NRXN1: variants seen among roughly 807,000 people sequenced by gnomAD.
The protein encoded by NRXN1 is neurexin-1.
In NRXN1, 39 loss-of-function variants were observed where a neutral mutation model predicts 150.9. The observed-to-expected ratio is 0.26, with a 90% confidence interval of 0.20 to 0.34. The LOEUF (loss-of-function observed/expected upper bound fraction) is 0.34. Ranked by LOEUF, NRXN1 falls within the 10% of genes least tolerant of loss-of-function variation. NRXN1 has a pLI of 1.00. For missense variants in NRXN1, 1,815 were observed against 1,949.9 expected (o/e 0.93, Z 1.30); for synonymous variants, 924 against 757.0 (o/e 1.22, Z -3.62).
At chr2:50,112,457 A>G (rs1165824062) in intron 18 of NRXN1, among the ~76,000 whole-genome samples, 3 of 152,236 alleles carry the variant, frequency 2.0e-5, no homozygotes, top group Non-Finnish European at 4.4e-5. Flanking sequence ...CGTGTTACAC[A>G]AGTCTGCTTA....
chr2:50,458,815 T>C (rs930406504), intron 17 of NRXN1, among the ~76,000 whole-genome samples: 8 of 152,054 alleles, frequency 5.3e-5, no homozygotes, highest in Non-Finnish European at 1.2e-4. Context: ...CTCCTAATCT[T>C]GTGATCCATC....
intron 18 of NRXN1, among the ~76,000 whole-genome samples, chr2:50,102,482 A>G (rs1264319198): frequency 3.3e-5 from 5 of 152,066 alleles, no homozygotes; most frequent in Non-Finnish European, 7.4e-5. Flanking sequence ...CAAAAACCAC[A>G]GACTTTTTAC....
chr2:50,551,000 AAAG>A (rs1161616840), intron 9 of NRXN1, among the ~76,000 whole-genome samples: 38 of 146,348 alleles, frequency 2.6e-4, no homozygotes, highest in African/African-American at 9.1e-4. Flanking sequence ...CTTAAATCAG[AAAG>A]AAGAGGAGGA....
intron 21 of NRXN1, among the ~76,000 whole-genome samples, chr2:49,978,332 C>T (rs1302406434): frequency 6.6e-6 from 1 of 152,188 alleles, no homozygotes; most frequent in Non-Finnish European, 1.5e-5. Context: ...GACCACCCTA[C>T]ACCACAGCTT....
chr2:50,998,189 G>A (rs1699572012), intron 2 of NRXN1, among the ~76,000 whole-genome samples: 1 of 141,266 alleles, frequency 7.1e-6, no homozygotes, highest in Admixed American at 6.8e-5. Context: ...TTTTAACTCA[G>A]CTATACAAAC....
chr2:51,014,680 G>A (rs895816380), intron 2 of NRXN1, among the ~76,000 whole-genome samples: 2 of 152,008 alleles, frequency 1.3e-5, no homozygotes, highest in Non-Finnish European at 2.9e-5. Context: ...ACGCAGCTAT[G>A]ATTCAAATGT....
intron 17 of NRXN1, among the ~76,000 whole-genome samples, chr2:50,352,841 C>T (rs1241091068): frequency 6.6e-6 from 1 of 150,614 alleles, no homozygotes; most frequent in Non-Finnish European, 1.5e-5. Flanking sequence ...AGATTTACTG[C>T]AATCTTTTTA....
intron 18 of NRXN1, among the ~76,000 whole-genome samples, chr2:50,134,082 C>G (rs1574091506): frequency 6.6e-6 from 1 of 152,014 alleles, no homozygotes; most frequent in Non-Finnish European, 1.5e-5. Context: ...AAGATGAGCC[C>G]CTGGATATGA....
At chr2:50,369,315 A>G (rs1287876402) in intron 17 of NRXN1, among the ~76,000 whole-genome samples, 1 of 151,972 alleles carries the variant, frequency 6.6e-6, no homozygotes, top group Non-Finnish European at 1.5e-5. Context: ...ATTTTTTATT[A>G]AACACTTCCA....
intron 12 of NRXN1, among the ~76,000 whole-genome samples, chr2:50,527,030 G>A (rs1050985969): frequency 3.3e-5 from 5 of 152,088 alleles, no homozygotes; most frequent in African/African-American, 1.2e-4. Context: ...AGAATCACAT[G>A]TCATTTGAAT....
At chr2:50,917,490 T>C (rs2104209995) in intron 5 of NRXN1, 1 of 151,878 alleles carries the variant, frequency 6.6e-6, no homozygotes, top group East Asian at 1.9e-4. Context: ...GGAAACTGTG[T>C]GATCTGAATG....
chr2:50,403,315 T>C (rs1248186266), intron 17 of NRXN1, among the ~76,000 whole-genome samples: 1 of 152,166 alleles, frequency 6.6e-6, no homozygotes, highest in Non-Finnish European at 1.5e-5. Context: ...CTGTTGCTAG[T>C]TGTCTGACCA....
chr2:50,400,488 T>C (rs113532966), intron 17 of NRXN1, among the ~76,000 whole-genome samples: 5,352 of 152,236 alleles, frequency 0.035, 152 homozygotes, highest in Non-Finnish European at 0.053. Flanking sequence ...TTGTAATGAA[T>C]ATAATAAAGA....
intron 8 of NRXN1, among the ~76,000 whole-genome samples, chr2:50,563,428 T>C (rs2105408481): frequency 6.6e-6 from 1 of 152,336 alleles, no homozygotes; most frequent in Admixed American, 6.5e-5. Flanking sequence ...TAGTTGTAAG[T>C]GCGCTAATTC....
intron 5 of NRXN1, among the ~76,000 whole-genome samples, chr2:50,848,066 A>G (rs530888091): frequency 1.9e-4 from 29 of 152,258 alleles, no homozygotes; most frequent in Non-Finnish European, 3.7e-4. Context: ...AGCCGCCTAT[A>G]GACGGCAAAC....
chr2:50,486,354 G>A (rs6724861), intron 15 of NRXN1, among the ~76,000 whole-genome samples: 48,478 of 152,026 alleles, frequency 0.32, 9,822 homozygotes, highest in Middle Eastern at 0.48. Flanking sequence ...TTTTTCTCAC[G>A]AAAACACTCA....
chr2:50,976,088 T>C (rs1000168848), intron 2 of NRXN1, among the ~76,000 whole-genome samples: 6 of 152,052 alleles, frequency 3.9e-5, no homozygotes, highest in Non-Finnish European at 8.8e-5. Flanking sequence ...GTGTGCCCTG[T>C]AGACTCCCTA....
chr2:50,032,898 G>A (rs1473215678), intron 21 of NRXN1, among the ~76,000 whole-genome samples: 2 of 151,472 alleles, frequency 1.3e-5, no homozygotes, highest in African/African-American at 4.8e-5. Flanking sequence ...TGTTGTTTAA[G>A]CTACTCAGTC....
chr2:50,626,266 T>A (rs1386679917), intron 5 of NRXN1, among the ~76,000 whole-genome samples: 2 of 151,002 alleles, frequency 1.3e-5, no homozygotes, highest in Non-Finnish European at 3.0e-5. Flanking sequence ...TCTCAAAAAA[T>A]TTAAAAAAAC....
Sources: allele counts gnomAD v4.1 joint callset (sites outside exome capture counted in the v4.1 genomes callset), GRCh38; gene constraint gnomAD v4.1.1; transcripts MANE v1.5; gene names NCBI Gene and HGNC (gene_info 2026-07-23, HGNC 2026-07-21).